The following GTF2H3 variants were observed in gnomAD, a reference collection of about 807,000 sequenced individuals.
GTF2H3 encodes the protein TFIIH basal transcription factor complex p34 subunit.
A neutral mutation model predicts 51.1 loss-of-function variants in GTF2H3; 42 were observed. The ratio of observed to expected loss-of-function variants is 0.82; its 90% CI spans 0.64 to 1.06. The LOEUF (loss-of-function observed/expected upper bound fraction) is 1.06, where lower values mean the gene tolerates loss of function less well. GTF2H3 is among the 50% of genes least tolerant of loss of function. GTF2H3 has a pLI of 0.00. For missense variants in GTF2H3, 326 were observed against 366.1 expected (o/e 0.89, Z 0.89); for synonymous variants, 123 against 123.8 (o/e 0.99, Z 0.04).
intron 2 of GTF2H3, chr12:123,639,988 A>G (rs1044608950): frequency 4.4e-6 from 2 of 455,726 alleles, no homozygotes; most frequent in African/African-American, 4.0e-5. Flanking sequence ...CCTCCCGAGT[A>G]CTTGGGACTA....
intron 2 of GTF2H3, among the ~76,000 whole-genome samples, chr12:123,640,231 C>A (rs1206341318): frequency 3.3e-5 from 5 of 152,060 alleles, no homozygotes; most frequent in African/African-American, 9.7e-5. Flanking sequence ...TCTGTACTCC[C>A]AGGCAACTCT....
chr12:123,639,046 C>T (rs1167100323), intron 1 of GTF2H3, among the ~76,000 whole-genome samples: 4 of 151,264 alleles, frequency 2.6e-5, no homozygotes, highest in African/African-American at 7.3e-5. Flanking sequence ...CTGCCTGCCT[C>T]GGCCTCCCAA....
intron 2 of GTF2H3, among the ~76,000 whole-genome samples, chr12:123,642,603 T>C (rs184255492): frequency 2.0e-4 from 30 of 152,346 alleles, no homozygotes; most frequent in Non-Finnish European, 3.5e-4. Flanking sequence ...TGTATGTATC[T>C]TATCATTGTG....
At chr12:123,635,430 G>A (rs1296426823) in intron 1 of GTF2H3, among the ~76,000 whole-genome samples, 1 of 151,992 alleles carries the variant, frequency 6.6e-6, no homozygotes, top group South Asian at 2.1e-4. Flanking sequence ...AAAATTAACC[G>A]GACAAGGTGG....
chr12:123,648,642 A>G lies in GTF2H3; in HGVS notation c.364+516A>G, dbSNP rs191674672. On this transcript the variant is annotated intron_variant, in intron 4 of 12. Transcript: ENST00000543341. ...AGTCTCATTATCTTTGCTCTCACTC[A>G]CACCACCATTTCCATTCCCTATTTC... is the stretch of plus-strand genomic sequence containing the variant. Among the ~76,000 whole-genome samples, 249 of 152,120 alleles carry G rather than the reference A, an allele frequency of 1.6e-3. 1 individual carries two copies. Among genetic ancestry groups the G allele is most frequent in the Non-Finnish European group, 2.7e-3 (182 of 67,986 alleles).
intron 1 of GTF2H3, among the ~76,000 whole-genome samples, chr12:123,636,897 A>G (rs1955292635): frequency 1.3e-5 from 2 of 152,074 alleles, no homozygotes; most frequent in African/African-American, 4.8e-5. Flanking sequence ...ACCCTGGGCA[A>G]CAAGAGCAAA....
chr12:123,657,482 G>A (rs577175396), intron 9 of GTF2H3, among the ~76,000 whole-genome samples: 5 of 152,272 alleles, frequency 3.3e-5, no homozygotes, highest in South Asian at 4.2e-4. Flanking sequence ...AGCTCTTCCC[G>A]CAGGTGTTTG....
rs776493836 is a variant in GTF2H3, at chr12:123,651,040, G to C, written c.411G>C (p.Leu137=). ...QHTETLLAGS[L]AKALCYIHRM... ...CAGAAACTTTGCTGGCAGGATCCCT[G>C]GCCAAAGCCCTTTGCTGTATCCTTG... The change falls in exon 5 of 13, where the codon CTG becomes CTC. Residue 137 remains leucine (L), a synonymous_variant. Transcript: ENST00000543341. 1 of 1,612,294 alleles carries C rather than the reference G, an allele frequency of 6.2e-7. No individual in the cohort carries two copies. The highest frequency in any genetic ancestry group is 8.5e-7 in the Non-Finnish European group (1 of 1,178,432).
rs3215246 is a variant in GTF2H3 at position 123,660,025 on chromosome 12, C to CT, written c.821-10dup. The CT allele has an allele frequency of 4.3e-3, 5,098 of 1,193,682 alleles. 1 individual carries two copies. The highest frequency in any genetic ancestry group is 9.8e-3 in the African/African-American group (646 of 65,802). The allele number at this position is 1,193,682 out of a possible 1,614,324, so 73.9% of individuals were successfully genotyped here. On this transcript the variant is annotated intron_variant, in intron 11 of 12. Coordinates refer to ENST00000543341, the MANE Select transcript of GTF2H3 (RefSeq NM_001516.5). ...TTGTTTTTCAGCCACCCTATTGTTT[C>CT]TTTTTTTTTTTAATTTACAGTATTC...
At chr12:123,656,027 G>A in intron 9 of GTF2H3, 1 of 433,350 alleles carries the variant, frequency 2.3e-6, no homozygotes, top group Non-Finnish European at 4.1e-6. Context: ...TATTTCCGTT[G>A]GGCAGCACTA....
Position 123,660,951 on chromosome 12 carries a change from CTA to C in GTF2H3, c.*718_*719del, listed in dbSNP as rs1225508047. On this transcript the variant is annotated 3_prime_UTR_variant, in exon 13 of 13. Transcript: ENST00000543341. ...GAGAACTTACTGGAGAAAATGGACTCTATGTTAAGTATGGTTTTCAGATAGAA... is the reference window on the plus strand; with the variant it reads ...GAGAACTTACTGGAGAAAATGGACTCTGTTAAGTATGGTTTTCAGATAGAA... The C allele has an allele frequency of 6.6e-6, 1 of 151,958 alleles. No homozygotes were observed. The highest frequency in any genetic ancestry group is 1.5e-5 in the Non-Finnish European group (1 of 68,008). The allele number at this position is 151,958 out of a possible 1,614,324, so 9.4% of individuals were successfully genotyped here.
At chr12:123,644,242 A>T (rs750237624) in intron 2 of GTF2H3, among the ~76,000 whole-genome samples, 1 of 152,194 alleles carries the variant, frequency 6.6e-6, no homozygotes, top group Non-Finnish European at 1.5e-5. Flanking sequence ...TTAGTTTGTT[A>T]CTAGAGAAGT....
chr12:123,655,744 G>A (rs1477584400), intron 8 of GTF2H3, 27 bp from the exon 9 acceptor site: 2 of 1,350,480 alleles, frequency 1.5e-6, no homozygotes, highest in Non-Finnish European at 2.1e-6. Flanking sequence ...TATTATTCCT[G>A]TAATATTTTC....
Position 123,659,586 on chromosome 12 carries a change from T to C in GTF2H3, c.684+2T>C. 6.2e-7 allele frequency: 1 copy of C among 1,613,124 alleles called. No individual in the cohort carries two copies. The highest frequency in any genetic ancestry group is 2.2e-5 in the East Asian group (1 of 44,864). On this transcript the variant is annotated splice_donor_variant, in intron 10 of 12. Transcript: ENST00000543341. LOFTEE classifies it high-confidence loss of function. ...CCTTCTCTTCTGCAGTATTTGCTGG[T>C]AAGGAGACAGCAGCGGCGACCCTGA...
intron 10 of GTF2H3, 40 bp downstream of exon 10, chr12:123,659,624 A>G (rs1156615646): frequency 6.3e-7 from 1 of 1,583,904 alleles, no homozygotes; most frequent in Non-Finnish European, 8.7e-7. Flanking sequence ...CCTGGAGGGA[A>G]GGATGACCTC....
intron 9 of GTF2H3, among the ~76,000 whole-genome samples, chr12:123,658,374 C>T (rs1338939376): frequency 4.6e-5 from 7 of 152,290 alleles, no homozygotes; most frequent in East Asian, 3.9e-4. Flanking sequence ...CCCGCCACTA[C>T]GCCCAGCTAA....
At chr12:123,656,332 C>T (rs11572987) in intron 9 of GTF2H3, among the ~76,000 whole-genome samples, 223 of 152,282 alleles carry the variant, frequency 1.5e-3, no homozygotes, top group African/African-American at 4.8e-3. Context: ...TTAAACCATA[C>T]TTACACATTA....
intron 5 of GTF2H3, 68 bp downstream of exon 5, chr12:123,651,124 T>C: frequency 8.5e-7 from 1 of 1,177,050 alleles, no homozygotes. Flanking sequence ...TTGTGACATT[T>C]CTTAGGACCT....
intron 9 of GTF2H3, among the ~76,000 whole-genome samples, chr12:123,657,020 G>A (rs918167906): frequency 5.3e-5 from 8 of 152,042 alleles, no homozygotes; most frequent in Non-Finnish European, 8.8e-5. Flanking sequence ...CCAGGAGTTC[G>A]AAGCTGCAGT....
Sources: gnomAD v4.1 joint callset for allele counts (sites outside exome capture counted in the v4.1 genomes callset) on GRCh38, gnomAD v4.1.1 for gene constraint, MANE v1.5 for transcripts, NCBI Gene and HGNC (gene_info 2026-07-23, HGNC 2026-07-21) for gene names.